AFF3: variants seen among roughly 807,000 people sequenced by gnomAD.
AFF3 encodes the protein ALF transcription elongation factor 3.
In AFF3, 32 loss-of-function variants were observed where a neutral mutation model predicts 129.7. The ratio of observed to expected loss-of-function variants is 0.25; its 90% CI spans 0.19 to 0.33. AFF3 has a LOEUF of 0.33. Ranked by LOEUF, AFF3 falls within the 10% of genes least tolerant of loss-of-function variation. The pLI, the probability that AFF3 is intolerant of heterozygous loss-of-function variation, is 1.00. For missense variants in AFF3, 1,373 were observed against 1,592.0 expected (o/e 0.86, Z 2.34); for synonymous variants, 644 against 635.4 (o/e 1.01, Z -0.20).
chr2:99,729,003 C>T (rs1679585723), intron 10 of AFF3, among the ~76,000 whole-genome samples: 1 of 152,144 alleles, frequency 6.6e-6, no homozygotes, highest in African/African-American at 2.4e-5. Context: ...AGAGTTATAA[C>T]ACCTGCATTA....
chr2:99,907,039 C>T lies in AFF3; in HGVS notation c.874-69515G>A, dbSNP rs181293958. On this transcript the variant is annotated intron_variant, in intron 7 of 24. Coordinates refer to ENST00000672756, the MANE Select transcript of AFF3 (RefSeq NM_001386135.1). ...GTACTACAAGTCTATATGTGTACTACATGCCAGGCAATTACTGAATGAGCC... is the reference window on the plus strand; with the variant it reads ...GTACTACAAGTCTATATGTGTACTATATGCCAGGCAATTACTGAATGAGCC... Among the ~76,000 whole-genome samples the T allele has an allele frequency of 1.7e-3, 264 of 152,294 alleles. 4 individuals carry two copies. Among genetic ancestry groups the T allele is most frequent in the Middle Eastern group, 6.8e-3 (2 of 294 alleles).
intron 13 of AFF3, among the ~76,000 whole-genome samples, chr2:99,612,205 A>T (rs922998945): frequency 6.6e-6 from 1 of 152,232 alleles, no homozygotes; most frequent in African/African-American, 2.4e-5. Context: ...TTGTCCCAGA[A>T]CAGGCAACCA....
At chr2:99,927,563 A>T (rs1000172683) in intron 7 of AFF3, among the ~76,000 whole-genome samples, 1 of 152,022 alleles carries the variant, frequency 6.6e-6, no homozygotes, top group African/African-American at 2.4e-5. Flanking sequence ...AACAACACAC[A>T]CTGGGGCCTT....
At chr2:99,607,480 C>T (rs1286621994) in intron 13 of AFF3, among the ~76,000 whole-genome samples, 3 of 150,962 alleles carry the variant, frequency 2.0e-5, no homozygotes, top group Non-Finnish European at 3.0e-5. Context: ...TACAGTGAGC[C>T]GAGATTGTGC....
At chr2:99,613,675 A>G (rs1402103829) in intron 13 of AFF3, among the ~76,000 whole-genome samples, 2 of 152,202 alleles carry the variant, frequency 1.3e-5, no homozygotes, top group Non-Finnish European at 2.9e-5. Flanking sequence ...CTTTGCTGCT[A>G]CATTTTCATG....
intron 7 of AFF3, among the ~76,000 whole-genome samples, chr2:99,938,293 G>T (rs982336301): frequency 1.3e-5 from 2 of 152,184 alleles, no homozygotes; most frequent in Admixed American, 6.5e-5. Context: ...GAAACTGTGG[G>T]CATGTTATTT....
At chr2:99,950,376 T>C (rs1008501390) in intron 7 of AFF3, among the ~76,000 whole-genome samples, 1 of 152,154 alleles carries the variant, frequency 6.6e-6, no homozygotes, top group Non-Finnish European at 1.5e-5. Context: ...AGTAAGTATG[T>C]GGGTGAATAT....
chr2:99,568,731 T>C (rs1676208437), intron 19 of AFF3, 121 bp downstream of exon 19: 1 of 960,202 alleles, frequency 1.0e-6, no homozygotes, highest in East Asian at 2.4e-5. Flanking sequence ...ATTTCTCCAT[T>C]GAACAGACCC....
At chr2:100,011,504 A>T in intron 4 of AFF3, 1 of 781,084 alleles carries the variant, frequency 1.3e-6, no homozygotes, top group Non-Finnish European at 2.4e-6. Flanking sequence ...TACCTCCTGC[A>T]TCTGCTGGCT....
intron 8 of AFF3, among the ~76,000 whole-genome samples, chr2:99,782,765 A>C (rs892512921): frequency 1.2e-4 from 19 of 152,266 alleles, no homozygotes; most frequent in Admixed American, 2.0e-4. Flanking sequence ...AGACTTCTGC[A>C]GGTAACATTA....
chr2:99,994,215 T>A (rs2104616209), intron 7 of AFF3, among the ~76,000 whole-genome samples: 1 of 152,310 alleles, frequency 6.6e-6, no homozygotes, highest in African/African-American at 2.4e-5. Flanking sequence ...CATATTTTGG[T>A]TAAGCTTCAG....
Position 99,593,692 on chromosome 2 carries a change from T to G in AFF3, c.1969A>C (p.Arg657=). The G allele has an allele frequency of 6.2e-7, 1 of 1,606,796 alleles. No homozygotes were observed. Among genetic ancestry groups the G allele is most frequent in the Non-Finnish European group, 8.5e-7 (1 of 1,175,000 alleles). The stretch of plus-strand genomic sequence containing the variant: ...AACTCCTTGGATTTGGGGACGATCC[T>G]GCTTAGCCCCCGCGTGCGGCGCTTC... ...CEKRRTRGLS[R]IVPKSKEFIE... is the part of the protein sequence containing the mutation. The change falls in exon 15 of 25, where the codon AGG becomes CGG. Residue 657 remains arginine, a synonymous_variant. Transcript: ENST00000672756.
In AFF3 at chr2:99,904,779, C is replaced by T. The variant is rs1364343554; in HGVS notation, c.874-67255G>A. On this transcript the variant is annotated intron_variant, in intron 7 of 24. Transcript: ENST00000672756. The stretch of plus-strand genomic sequence containing the variant: ...AAGATAATCCCGAATGAGAATGGCC[C>T]GTTCCATAGCCTGTCTCCTTCAAGA... Among the ~76,000 whole-genome samples the T allele has an allele frequency of 2.8e-4, 43 of 152,076 alleles. 1 individual carries two copies. The highest frequency in any genetic ancestry group is 6.5e-5 in the Admixed American group (1 of 15,282).
chr2:99,787,517 C>A (rs778106272), intron 8 of AFF3, among the ~76,000 whole-genome samples: 7 of 152,202 alleles, frequency 4.6e-5, no homozygotes, highest in Non-Finnish European at 8.8e-5. Flanking sequence ...AGCTGTTGCC[C>A]AGCTCCCAGC....
chr2:100,039,371 C>A (rs530015124), intron 4 of AFF3, among the ~76,000 whole-genome samples: 21 of 152,224 alleles, frequency 1.4e-4, no homozygotes, highest in African/African-American at 5.1e-4. Flanking sequence ...TCAACCTGGG[C>A]AACACAGTGA....
intron 4 of AFF3, among the ~76,000 whole-genome samples, chr2:100,061,859 G>GGGC (rs1553515741): frequency 7.8e-6 from 1 of 128,454 alleles, no homozygotes; most frequent in African/African-American, 3.5e-5. Context: ...CACAGTGGAG[G>GGGC]GGGGGGGGGT....
chr2:100,116,297 C>T (rs1446238246), intron 2 of AFF3, among the ~76,000 whole-genome samples: 1 of 151,788 alleles, frequency 6.6e-6, no homozygotes, highest in Non-Finnish European at 1.5e-5. Flanking sequence ...TTAACTCAGC[C>T]TGACAAACTT....
intron 7 of AFF3, among the ~76,000 whole-genome samples, chr2:99,983,102 T>G (rs185346238): frequency 1.6e-3 from 244 of 152,326 alleles, no homozygotes; most frequent in African/African-American, 5.6e-3. Flanking sequence ...TGATTGGAAC[T>G]CAAGCGTAAG....
chr2:99,740,962 T>C (rs1314235763), intron 10 of AFF3, among the ~76,000 whole-genome samples: 5 of 152,234 alleles, frequency 3.3e-5, no homozygotes, highest in Non-Finnish European at 1.5e-5. Flanking sequence ...TTAATCCATC[T>C]TGAATTAATT....
Sources: allele counts gnomAD v4.1 joint callset (sites outside exome capture counted in the v4.1 genomes callset), GRCh38; gene constraint gnomAD v4.1.1; transcripts MANE v1.5; gene names NCBI Gene and HGNC (gene_info 2026-07-23, HGNC 2026-07-21).